Variants in SMAP1 observed in about 807,000 individuals in gnomAD.
The protein encoded by SMAP1 is stromal membrane-associated protein 1.
A neutral mutation model predicts 58.5 loss-of-function variants in SMAP1; 24 were observed. The observed-to-expected ratio is 0.41, with a 90% CI of 0.30 to 0.58. SMAP1 has a LOEUF of 0.58. Among genes scored for constraint, SMAP1 ranks in the 20% least tolerant of loss-of-function variants. SMAP1 has a pLI of 0.29. For synonymous variants in SMAP1, 216 were observed against 196.6 expected (o/e 1.10, Z -0.82); for missense variants, 563 against 566.3 (o/e 0.99, Z 0.06).
intron 1 of SMAP1, among the ~76,000 whole-genome samples, chr6:70,708,456 G>A (rs1412701558): frequency 6.6e-6 from 1 of 152,174 alleles, no homozygotes; most frequent in African/African-American, 2.4e-5. Context: ...TCTCTATGAA[G>A]TGCTGATTTC....
At chr6:70,727,654 G>T (rs1765240265) in intron 1 of SMAP1, among the ~76,000 whole-genome samples, 1 of 152,152 alleles carries the variant, frequency 6.6e-6, no homozygotes, top group Non-Finnish European at 1.5e-5. Flanking sequence ...AGAAAACTCA[G>T]GTTTGATGAA....
In SMAP1 at chr6:70,852,617, C is replaced by T. The variant is rs1344107502; in HGVS notation, c.742C>T (p.Pro248Ser). Residue 248 changes from proline (P) to serine (S), a missense_variant, in exon 8 of 11, where the codon CCG becomes TCG. Pro to Ser is a moderately conservative substitution (Grantham distance 74). This residue lies in a region of SMAP1 where 494 missense variants were observed against 473.8 expected (regional missense o/e 1.04). Transcript: ENST00000370455. ...GAACGATGATCTGGACATCTTTGGACCGATGATTTCTAATCCCTTACCTGC... is the reference window on the plus strand; with the variant it reads ...GAACGATGATCTGGACATCTTTGGATCGATGATTTCTAATCCCTTACCTGC... ...PLNDDLDIFG[P>S]MISNPLPATV... 6.2e-7 allele frequency: 1 copy of T among 1,610,222 alleles called. No individual in the cohort carries two copies. The highest frequency in any genetic ancestry group is 8.5e-7 in the Non-Finnish European group (1 of 1,178,058).
chr6:70,700,867 G>C (rs986715566), intron 1 of SMAP1, among the ~76,000 whole-genome samples: 1 of 152,212 alleles, frequency 6.6e-6, no homozygotes, highest in Non-Finnish European at 1.5e-5. Flanking sequence ...TGCCAGAACT[G>C]TGTCCTTCCC....
At chr6:70,690,218 G>A (rs763401950) in intron 1 of SMAP1, among the ~76,000 whole-genome samples, 1 of 152,186 alleles carries the variant, frequency 6.6e-6, no homozygotes, top group East Asian at 1.9e-4. Flanking sequence ...TTGTTGCTAG[G>A]TTGCTGAGAA....
chr6:70,697,613 G>C (rs912261846), intron 1 of SMAP1, among the ~76,000 whole-genome samples: 8 of 151,986 alleles, frequency 5.3e-5, no homozygotes, highest in Non-Finnish European at 1.0e-4. Context: ...GCCGCTTCTT[G>C]TCTTTTTGTG....
chr6:70,747,113 G>A (rs1766076088), intron 2 of SMAP1, among the ~76,000 whole-genome samples: 2 of 152,084 alleles, frequency 1.3e-5, no homozygotes, highest in Admixed American at 1.3e-4. Context: ...TAAAATACTG[G>A]CCTGGGACTG....
chr6:70,736,300 G>T (rs1480583598), intron 2 of SMAP1, among the ~76,000 whole-genome samples: 3 of 152,156 alleles, frequency 2.0e-5, no homozygotes, highest in Non-Finnish European at 4.4e-5. Flanking sequence ...CAGATTAATT[G>T]TGTTTGGTCT....
chr6:70,813,451 A>G (rs1408680868), intron 6 of SMAP1, among the ~76,000 whole-genome samples: 1 of 152,154 alleles, frequency 6.6e-6, no homozygotes, highest in African/African-American at 2.4e-5. Flanking sequence ...ATTCTGTTAG[A>G]TGCTTCTCTT....
At chr6:70,769,341 G>C (rs1267314843) in intron 3 of SMAP1, among the ~76,000 whole-genome samples, 3 of 152,162 alleles carry the variant, frequency 2.0e-5, no homozygotes, top group Non-Finnish European at 2.9e-5. Context: ...GTCTAATGTT[G>C]ACAGTGGGGT....
At chr6:70,759,333 C>T (rs1043419694) in intron 3 of SMAP1, among the ~76,000 whole-genome samples, 7 of 152,008 alleles carry the variant, frequency 4.6e-5, no homozygotes, top group African/African-American at 1.2e-4. Context: ...GAAGAATCCT[C>T]CTTTTCTGGA....
intron 1 of SMAP1, among the ~76,000 whole-genome samples, chr6:70,692,295 C>T (rs1012174531): frequency 6.6e-6 from 1 of 152,102 alleles, no homozygotes; most frequent in Non-Finnish European, 1.5e-5. Context: ...TATATTTTTT[C>T]CTATGGAGTT....
intron 6 of SMAP1, among the ~76,000 whole-genome samples, chr6:70,808,665 G>A (rs531095597): frequency 2.0e-5 from 3 of 152,054 alleles, no homozygotes; most frequent in East Asian, 3.9e-4. Context: ...TGCTTGTTTC[G>A]CCTATTGAAC....
At chr6:70,725,706 C>T (rs1463147024) in intron 1 of SMAP1, among the ~76,000 whole-genome samples, 1 of 152,192 alleles carries the variant, frequency 6.6e-6, no homozygotes, top group East Asian at 1.9e-4. Flanking sequence ...TTTTGCCCTC[C>T]TCTTCTGTTC....
chr6:70,669,953 C>CT (rs1201949621), intron 1 of SMAP1, among the ~76,000 whole-genome samples: 220 of 145,682 alleles, frequency 1.5e-3, no homozygotes, highest in East Asian at 2.2e-3. Context: ...ACCATGTTAA[C>CT]TTTTTTTTTT....
intron 4 of SMAP1, among the ~76,000 whole-genome samples, chr6:70,780,250 A>C (rs1767707887): frequency 6.6e-6 from 1 of 152,098 alleles, no homozygotes; most frequent in Admixed American, 6.5e-5. Flanking sequence ...GATTTCATTG[A>C]GTGATGGGAA....
intron 4 of SMAP1, among the ~76,000 whole-genome samples, chr6:70,787,318 A>G (rs933697202): frequency 1.5e-4 from 23 of 152,362 alleles, no homozygotes; most frequent in Admixed American, 1.4e-3. Flanking sequence ...TTAAAGACTT[A>G]CATGTTAGAC....
chr6:70,813,095 G>A (rs1769460499), intron 6 of SMAP1, among the ~76,000 whole-genome samples: 1 of 151,830 alleles, frequency 6.6e-6, no homozygotes, highest in Admixed American at 6.6e-5. Flanking sequence ...TTCTCTTTTG[G>A]GAATGTAGAT....
At chr6:70,859,136 A>T in intron 10 of SMAP1, 1 of 469,530 alleles carries the variant, frequency 2.1e-6, no homozygotes, top group Non-Finnish European at 3.8e-6. Flanking sequence ...TAGCACAATC[A>T]CTATATATCA....
chr6:70,837,990 G>A, intron 7 of SMAP1: 1 of 962,894 alleles, frequency 1.0e-6, no homozygotes, highest in Non-Finnish European at 1.2e-6. Context: ...ATTCTTCTAT[G>A]ATGGTAAAAA....
Sources: gnomAD v4.1 joint callset for allele counts (sites outside exome capture counted in the v4.1 genomes callset) on GRCh38, gnomAD v4.1.1 for gene constraint, gnomAD v4.1.1 regional missense constraint, MANE v1.5 for transcripts, NCBI Gene and HGNC (gene_info 2026-07-23, HGNC 2026-07-21) for gene names.